The following OR5K1 variants were observed in gnomAD, a reference collection of about 807,000 sequenced individuals.
OR5K1 encodes the protein olfactory receptor 5K1.
In OR5K1, 7 loss-of-function variants were observed where a neutral mutation model predicts 10.4. The ratio of observed to expected loss-of-function variants is 0.67; its 90% CI spans 0.38 to 1.26. OR5K1 has a LOEUF of 1.26. Ranked by LOEUF, OR5K1 falls within the 50% of genes most tolerant of loss-of-function variation. The probability of loss-of-function intolerance (pLI) is 0.02; values close to 1 mark genes in which losing one functional copy is unlikely to be tolerated. For synonymous variants in OR5K1, 135 were observed against 128.5 expected, an observed-to-expected ratio of 1.05 and a Z score of -0.34; for missense variants, 435 against 366.2, an observed-to-expected ratio of 1.19 and a Z score of -1.53.
At chr3:98,468,188 C>G (rs74283818) in intron 1 of OR5K1, among the ~76,000 whole-genome samples, 13,883 of 151,946 alleles carry the variant, frequency 0.091, 661 homozygotes, top group South Asian at 0.18. Context: ...TCCTCCCCAC[C>G]CCAGAGGGGT....
At chr3:98,465,148 T>C (rs1705356216) in intron 1 of OR5K1, among the ~76,000 whole-genome samples, 1 of 152,172 alleles carries the variant, frequency 6.6e-6, no homozygotes, top group African/African-American at 2.4e-5. Context: ...AAAAAACTAG[T>C]AATATTTTGA....
chr3:98,468,381 A>G (rs1291661060), intron 1 of OR5K1, among the ~76,000 whole-genome samples: 1 of 152,146 alleles, frequency 6.6e-6, no homozygotes, highest in Non-Finnish European at 1.5e-5. Context: ...AGTTCAATAG[A>G]ATTAAATACA....
intron 1 of OR5K1, 23 bp from the exon 2 acceptor site, chr3:98,469,543 C>T: frequency 6.3e-7 from 1 of 1,586,782 alleles, no homozygotes; most frequent in Non-Finnish European, 8.6e-7. Context: ...TTAGTGCCTT[C>T]TTTCTCCACA....
At position 98,469,570 on chromosome 3, in the gene OR5K1, G is replaced by A. The variant is rs775866583; in HGVS notation, c.-7G>A. On this transcript the variant is annotated 5_prime_UTR_variant, in exon 2 of 2. Coordinates refer to ENST00000642057, the MANE Select transcript of OR5K1 (RefSeq NM_001004736.4). ...TTCTCCACAATTTTTTTTCAGACAA[G>A]TCAGGAATGGCTGAAGAAAATCATA... 3.4e-5 allele frequency: 54 copies of A among 1,603,436 alleles called. No individual in the cohort carries two copies. Among genetic ancestry groups the A allele is most frequent in the Non-Finnish European group, 4.5e-5 (53 of 1,174,294 alleles).
At chr3:98,468,860 A>C (rs1004219113) in intron 1 of OR5K1, among the ~76,000 whole-genome samples, 73 of 152,130 alleles carry the variant, frequency 4.8e-4, no homozygotes, top group Admixed American at 2.6e-4. Context: ...TGTTGATACT[A>C]ATTGCTGACA....
chr3:98,468,459 C>T (rs1288573114), intron 1 of OR5K1, among the ~76,000 whole-genome samples: 2 of 152,026 alleles, frequency 1.3e-5, no homozygotes, highest in African/African-American at 4.8e-5. Context: ...CAAACTGAAA[C>T]TCTGTAACCA....
At position 98,471,011 on chromosome 3, in the gene OR5K1, A is replaced by G. The variant is rs1411852170; in HGVS notation, c.*508A>G. ...AGCGAATTTTGAGAAATCAATTTTAATAGCATTATGGGGACATTACTGTAG... is the reference window on the plus strand; with the variant it reads ...AGCGAATTTTGAGAAATCAATTTTAGTAGCATTATGGGGACATTACTGTAG... On this transcript the variant is annotated 3_prime_UTR_variant, in exon 2 of 2. Coordinates refer to ENST00000642057, the MANE Select transcript of OR5K1 (RefSeq NM_001004736.4). 2 of 152,416 alleles carry G rather than the reference A, an allele frequency of 1.3e-5. No individual in the cohort carries two copies. The highest frequency in any genetic ancestry group is 4.8e-5 in the African/African-American group (2 of 41,452). The allele number at this position is 152,416 out of a possible 1,614,324, so 9.4% of individuals were successfully genotyped here. A position where few individuals can be genotyped will look rare whatever the true frequency, so the allele number is the denominator to read the frequency against.
chr3:98,467,163 T>A (rs1705384906), intron 1 of OR5K1, among the ~76,000 whole-genome samples: 1 of 100,942 alleles, frequency 9.9e-6, no homozygotes, highest in African/African-American at 4.9e-5. Flanking sequence ...GGGAATCCTT[T>A]CCCCATTGCT....
rs1376971839 is a variant in OR5K1, at chr3:98,472,262, G to C, written c.*1759G>C. The C allele has an allele frequency of 6.6e-6, 1 of 151,724 alleles. No homozygotes were observed. The highest frequency in any genetic ancestry group is 6.6e-5 in the Admixed American group (1 of 15,204). The allele number at this position is 151,724 out of a possible 1,614,324, so 9.4% of individuals were successfully genotyped here. A position where few individuals can be genotyped will look rare whatever the true frequency, so the allele number is the denominator to read the frequency against. ...GCTCTCTCTCTCTTACTCTTCATCTGCTAATTTCTGAGTAAATTCTCTTGA... is the reference window on the plus strand; with the variant it reads ...GCTCTCTCTCTCTTACTCTTCATCTCCTAATTTCTGAGTAAATTCTCTTGA... On this transcript the variant is annotated 3_prime_UTR_variant, in exon 2 of 2. Coordinates refer to ENST00000642057, the MANE Select transcript of OR5K1 (RefSeq NM_001004736.4).
At chr3:98,469,193 G>C (rs376559699) in intron 1 of OR5K1, among the ~76,000 whole-genome samples, 13 of 152,108 alleles carry the variant, frequency 8.5e-5, no homozygotes, top group Admixed American at 2.0e-4. Flanking sequence ...CAGAAAACCA[G>C]GTATTGCATG....
chr3:98,470,661 A>C lies in OR5K1; in HGVS notation c.*158A>C. 1 of 471,280 alleles carries C rather than the reference A, an allele frequency of 2.1e-6. No individual in the cohort carries two copies. The highest frequency in any genetic ancestry group is 3.9e-5 in the South Asian group (1 of 25,906). The allele number at this position is 471,280 out of a possible 1,614,324, so 29.2% of individuals were successfully genotyped here. A position where few individuals can be genotyped will look rare whatever the true frequency, so the allele number is the denominator to read the frequency against. ...AAATTAAGTGGCAAGAGGTAAGGGT[A>C]GAATATACAAAAAAGAGTAAACTGT... is the stretch of plus-strand genomic sequence containing the variant. On this transcript the variant is annotated 3_prime_UTR_variant, in exon 2 of 2. Coordinates refer to ENST00000642057, the MANE Select transcript of OR5K1 (RefSeq NM_001004736.4).
intron 1 of OR5K1, among the ~76,000 whole-genome samples, chr3:98,464,263 A>T (rs894841456): frequency 1.3e-5 from 2 of 152,204 alleles, no homozygotes; most frequent in African/African-American, 4.8e-5. Context: ...TTCAAAAAAT[A>T]AACTTTAAAA....
rs1313870574 is a variant in OR5K1, at chr3:98,469,523, ATAT to A, written c.-11-39_-11-37del. 3.3e-6 allele frequency: 5 copies of A among 1,536,344 alleles called. No homozygotes were observed. The African/African-American group carries it at 6.9e-5, about 21-fold the overall frequency. ...CCAAAGAGACCTAAATAACTGTGGC[ATAT>A]TATAAATTAGTGCCTTCTTTCTCCA... On this transcript the variant is annotated intron_variant, in intron 1 of 1. Coordinates refer to ENST00000642057, the MANE Select transcript of OR5K1 (RefSeq NM_001004736.4).
At chr3:98,468,263 T>C (rs1197934948) in intron 1 of OR5K1, among the ~76,000 whole-genome samples, 2 of 152,236 alleles carry the variant, frequency 1.3e-5, no homozygotes, top group Admixed American at 6.6e-5. Flanking sequence ...TCCAGCAGTA[T>C]TGGAGATAGT....
chr3:98,472,295 C>T lies in OR5K1; in HGVS notation c.*1792C>T, dbSNP rs1396862012. On this transcript the variant is annotated 3_prime_UTR_variant, in exon 2 of 2. Transcript: ENST00000642057. Reference sequence around the variant, plus strand: ...CTGAGTAAATTCTCTTGACCTCTTCCCAGTGGGTCCAGGAAATGTTGAAAT... The same window carrying T: ...CTGAGTAAATTCTCTTGACCTCTTCTCAGTGGGTCCAGGAAATGTTGAAAT... The T allele has an allele frequency of 1.3e-5, 2 of 151,884 alleles. No homozygotes were observed. Among genetic ancestry groups the T allele is most frequent in the African/African-American group, 4.8e-5 (2 of 41,382 alleles). The allele number at this position is 151,884 out of a possible 1,614,324, so 9.4% of individuals were successfully genotyped here. A position where few individuals can be genotyped will look rare whatever the true frequency, so the allele number is the denominator to read the frequency against.
intron 1 of OR5K1, among the ~76,000 whole-genome samples, chr3:98,464,803 A>G (rs1190349217): frequency 6.6e-6 from 1 of 152,218 alleles, no homozygotes; most frequent in Admixed American, 6.5e-5. Context: ...CATATGCCTG[A>G]ATAGTTTGAG....
rs1429867765 is a variant in OR5K1, at chr3:98,469,889, T to G, written c.313T>G (p.Cys105Gly). Residue 105 changes from cysteine to glycine, a missense_variant, in exon 2 of 2, where the codon TGC becomes GGC. Coordinates refer to ENST00000642057, the MANE Select transcript of OR5K1 (RefSeq NM_001004736.4). ...YECAVQFYFL[C>G]TVETADCFLL... Reference sequence around the variant, plus strand: ...ATGTGCAGTACAGTTTTATTTTCTTTGCACTGTGGAAACTGCAGACTGCTT... The same window carrying G: ...ATGTGCAGTACAGTTTTATTTTCTTGGCACTGTGGAAACTGCAGACTGCTT... The G allele has an allele frequency of 6.2e-7, 1 of 1,613,746 alleles. No individual in the cohort carries two copies. Among genetic ancestry groups the G allele is most frequent in the Non-Finnish European group, 8.5e-7 (1 of 1,179,768 alleles).
At chr3:98,463,613 T>C (rs1705337283) in intron 1 of OR5K1, among the ~76,000 whole-genome samples, 1 of 151,000 alleles carries the variant, frequency 6.6e-6, no homozygotes, top group Non-Finnish European at 1.5e-5. Context: ...GTTTGTCCTA[T>C]TACTTATAAA....
chr3:98,466,059 C>T (rs1171753422), intron 1 of OR5K1, among the ~76,000 whole-genome samples: 1 of 151,862 alleles, frequency 6.6e-6, no homozygotes, highest in Non-Finnish European at 1.5e-5. Context: ...TCCCCCGACC[C>T]CACCACAGTC....
Sources: allele counts gnomAD v4.1 joint callset (sites outside exome capture counted in the v4.1 genomes callset), GRCh38; gene constraint gnomAD v4.1.1; transcripts MANE v1.5; gene names NCBI Gene and HGNC (gene_info 2026-07-23, HGNC 2026-07-21).